Variants in MAP3K1 observed in about 807,000 individuals in gnomAD.
MAP3K1 encodes the protein mitogen-activated protein kinase kinase kinase 1.
Under a neutral mutation model 144.2 loss-of-function variants are expected in MAP3K1, and 36 were observed. That is an observed-to-expected ratio of 0.25 (90% CI 0.19 to 0.33). The LOEUF is 0.33. Ranked by LOEUF, MAP3K1 falls within the 10% of genes least tolerant of loss-of-function variation. The pLI is 1.00. For missense variants in MAP3K1, 1,650 were observed against 1,881.9 expected (o/e 0.88, Z 2.28); for synonymous variants, 718 against 688.7 (o/e 1.04, Z -0.67).
At chr5:56,820,124 C>CTG (rs374062503) in intron 1 of MAP3K1, among the ~76,000 whole-genome samples, 2 of 151,944 alleles carry the variant, frequency 1.3e-5, no homozygotes, top group Non-Finnish European at 2.9e-5. Flanking sequence ...CTTTTGCCTT[C>CTG]TGTGTGTGTG....
intron 1 of MAP3K1, among the ~76,000 whole-genome samples, chr5:56,825,579 C>T (rs1746288007): frequency 6.6e-6 from 1 of 152,220 alleles, no homozygotes; most frequent in Admixed American, 6.5e-5. Flanking sequence ...TGCTCAGCCT[C>T]TTCATCCTTG....
In MAP3K1 at chr5:56,882,179, A is replaced by T. The variant is rs763089599; in HGVS notation, c.2979A>T (p.Val993=). The T allele has an allele frequency of 6.2e-7, 1 of 1,613,942 alleles. No individual in the cohort carries two copies. Among genetic ancestry groups the T allele is most frequent in the East Asian group, 2.2e-5 (1 of 44,884 alleles). The change falls in exon 14 of 20, where the codon GTA becomes GTT. Residue 993 remains valine, a synonymous_variant. Transcript: ENST00000399503. ...CCCCTTCTTCTTCTACCCCATCTGTACCAGCTGGCACTGCAACAGATGTCT... is the reference window on the plus strand; with the variant it reads ...CCCCTTCTTCTTCTACCCCATCTGTTCCAGCTGGCACTGCAACAGATGTCT... ...LSTPSSSTPS[V]PAGTATDVSK...
chr5:56,828,280 T>G (rs1488556928), intron 1 of MAP3K1, among the ~76,000 whole-genome samples: 3 of 152,100 alleles, frequency 2.0e-5, no homozygotes, highest in Non-Finnish European at 4.4e-5. Flanking sequence ...CTCCTCAGGG[T>G]TCTTATCTCT....
At position 56,865,355 on chromosome 5, in the gene MAP3K1, C is replaced by T. The variant is rs370499041; in HGVS notation, c.1051C>T (p.Arg351Cys). Reference sequence around the variant, plus strand: ...AACTCTTTAGAACTGCAGCTGTGCACGTGGAACATTCTGTATTCATCTGCT... The same window carrying T: ...AACTCTTTAGAACTGCAGCTGTGCATGTGGAACATTCTGTATTCATCTGCT... Reference protein sequence around the residue: ...FIGPQNCSCARGTFCIHLLFV... With the variant: ...FIGPQNCSCACGTFCIHLLFV... The change falls in exon 5 of 20, where the codon CGT (arginine) becomes TGT (cysteine). Residue 351 changes from arginine to cysteine, a missense_variant. Physicochemically the swap from Arg to Cys is radical, Grantham distance 180. Around this residue, in one of 6 missense-constraint regions of MAP3K1, gnomAD observed 125 missense variants for 179.9 expected, o/e 0.69. Transcript: ENST00000399503. 1.7e-5 allele frequency: 27 copies of T among 1,603,610 alleles called. No homozygotes were observed. The African/African-American group carries it at 1.7e-4, about 10-fold the overall frequency.
rs977329845 is a variant in MAP3K1, at chr5:56,839,131, C to G, written c.483-17469C>G. On this transcript the variant is annotated intron_variant, in intron 1 of 19. Coordinates refer to ENST00000399503, the MANE Select transcript of MAP3K1 (RefSeq NM_005921.2). The stretch of plus-strand genomic sequence containing the variant: ...ATCCAAAGGCCTACTTCAGAGTAAT[C>G]CATATGGTGCTCTTTTTGTAGTTCC... Among the ~76,000 whole-genome samples, 3 of 152,184 alleles carry G rather than the reference C, an allele frequency of 2.0e-5. No individual in the cohort carries two copies. The South Asian group carries it at 6.2e-4, about 32-fold the overall frequency.
chr5:56,888,950 ACTT>A (rs1748465379), intron 19 of MAP3K1, among the ~76,000 whole-genome samples: 1 of 152,178 alleles, frequency 6.6e-6, no homozygotes, highest in African/African-American at 2.4e-5. Flanking sequence ...ATACATAGTC[ACTT>A]CTTGTTATTT....
In MAP3K1 at chr5:56,854,432, CAA is replaced by C. The variant is rs10647091; in HGVS notation, c.483-2151_483-2150del. Among the ~76,000 whole-genome samples, 548 of 85,268 alleles carry C rather than the reference CAA, an allele frequency of 6.4e-3. 3 individuals are homozygous for C. Among genetic ancestry groups the C allele is most frequent in the Middle Eastern group, 0.031 (4 of 128 alleles). 55.9% of individuals were successfully genotyped at this position (85,268 alleles called of 152,430 possible). Reference sequence around the variant, plus strand: ...GGGCAACAAGAGCTAAACTCCATCTCAAAAAAAAAAAAAAAAAAGAAAGAAAA... The same window carrying C: ...GGGCAACAAGAGCTAAACTCCATCTCAAAAAAAAAAAAAAAAGAAAGAAAA... On this transcript the variant is annotated intron_variant, in intron 1 of 19. Transcript: ENST00000399503.
At chr5:56,855,118 CT>C (rs1223938178) in intron 1 of MAP3K1, among the ~76,000 whole-genome samples, 2 of 151,986 alleles carry the variant, frequency 1.3e-5, no homozygotes, top group Non-Finnish European at 2.9e-5. Context: ...CCTCTCCCTC[CT>C]CCTTTTTCTC....
chr5:56,871,814 GTATTTA>G, intron 6 of MAP3K1, 90 bp from the exon 7 acceptor site: 3 of 1,099,792 alleles, frequency 2.7e-6, no homozygotes, highest in Non-Finnish European at 4.1e-6. Flanking sequence ...AATTTCTAAT[GTATTTA>G]TATTCTAAGC....
chr5:56,841,408 G>C (rs566310550), intron 1 of MAP3K1, among the ~76,000 whole-genome samples: 3 of 152,158 alleles, frequency 2.0e-5, no homozygotes, highest in East Asian at 3.9e-4. Flanking sequence ...CTAAAAGTTC[G>C]TAACAGTATG....
intron 3 of MAP3K1, among the ~76,000 whole-genome samples, chr5:56,862,843 A>G (rs1413100095): frequency 6.6e-6 from 1 of 152,164 alleles, no homozygotes; most frequent in Non-Finnish European, 1.5e-5. Flanking sequence ...CATCTACTGT[A>G]CAATTCACCT....
chr5:56,848,126 GC>G (rs1393032765), intron 1 of MAP3K1, among the ~76,000 whole-genome samples: 1 of 151,136 alleles, frequency 6.6e-6, no homozygotes, highest in Non-Finnish European at 1.5e-5. Context: ...ATACAGAGTT[GC>G]CACTTTTAAG....
At chr5:56,858,151 C>T (rs1430727420) in intron 2 of MAP3K1, among the ~76,000 whole-genome samples, 5 of 152,140 alleles carry the variant, frequency 3.3e-5, no homozygotes, top group Admixed American at 2.0e-4. Flanking sequence ...TATTACTACT[C>T]AATCAATATA....
At chr5:56,822,555 C>T (rs1200103472) in intron 1 of MAP3K1, among the ~76,000 whole-genome samples, 1 of 152,192 alleles carries the variant, frequency 6.6e-6, no homozygotes, top group African/African-American at 2.4e-5. Flanking sequence ...CATGACACTT[C>T]TTCCGTGGCG....
chr5:56,875,345 G>A (rs1435868386), intron 10 of MAP3K1, 35 bp downstream of exon 10: 2 of 1,609,774 alleles, frequency 1.2e-6, no homozygotes, highest in Non-Finnish European at 1.7e-6. Context: ...TATCATTATG[G>A]GTTTGGGGTT....
chr5:56,889,317 C>T (rs767938097), intron 19 of MAP3K1, among the ~76,000 whole-genome samples: 36 of 152,122 alleles, frequency 2.4e-4, no homozygotes, highest in Admixed American at 3.9e-4. Context: ...TACAGGCACG[C>T]GCCACCATGC....
chr5:56,860,022 T>C (rs1732373681), intron 3 of MAP3K1, 107 bp downstream of exon 3: 2 of 1,008,238 alleles, frequency 2.0e-6, no homozygotes, highest in Non-Finnish European at 3.1e-6. Flanking sequence ...TTTCAAAATA[T>C]GATCTGCAGA....
Position 56,831,852 on chromosome 5 carries a change from C to G in MAP3K1, c.482+15797C>G, listed in dbSNP as rs143106840. ...TACTGTGTCTGTTAAAGTAAAAAAC[C>G]TAATTGAATTGCAGTTGAAATTCAA... On this transcript the variant is annotated intron_variant, in intron 1 of 19. Coordinates refer to ENST00000399503, the MANE Select transcript of MAP3K1 (RefSeq NM_005921.2). Among the ~76,000 whole-genome samples the G allele has an allele frequency of 5.9e-3, 904 of 152,296 alleles. 6 individuals carry two copies. Among genetic ancestry groups the G allele is most frequent in the Middle Eastern group, 0.02 (6 of 294 alleles).
chr5:56,829,988 A>T (rs1746437684), intron 1 of MAP3K1, among the ~76,000 whole-genome samples: 1 of 152,202 alleles, frequency 6.6e-6, no homozygotes, highest in South Asian at 2.1e-4. Context: ...GCTCAGGTCC[A>T]AAAAAGCAGT....
Sources: allele counts gnomAD v4.1 joint callset (sites outside exome capture counted in the v4.1 genomes callset), GRCh38; gene constraint gnomAD v4.1.1; regional missense constraint gnomAD v4.1.1; transcripts MANE v1.5; gene names NCBI Gene and HGNC (gene_info 2026-07-23, HGNC 2026-07-21).